Variants in KIFBP observed in about 807,000 individuals in gnomAD.
The protein encoded by KIFBP is KIF-binding protein.
Under a neutral mutation model 58.9 loss-of-function variants are expected in KIFBP, and 46 were observed. The ratio of observed to expected loss-of-function variants is 0.78; its 90% CI spans 0.62 to 1.00. KIFBP has a LOEUF of 1.00. KIFBP is among the 50% of genes least tolerant of loss of function. KIFBP has a pLI of 0.00. For synonymous variants in KIFBP, 241 were observed against 283.4 expected (o/e 0.85, Z 1.50); for missense variants, 651 against 752.9 (o/e 0.86, Z 1.58).
At chr10:69,013,900 C>A (rs1020210924) in intron 6 of KIFBP, among the ~76,000 whole-genome samples, 7 of 152,102 alleles carry the variant, frequency 4.6e-5, no homozygotes, top group Non-Finnish European at 7.3e-5. Context: ...CAGGTGTGTG[C>A]CACTGTGCCC....
intron 2 of KIFBP, among the ~76,000 whole-genome samples, chr10:69,002,547 T>C (rs1189919199): frequency 6.6e-6 from 1 of 152,118 alleles, no homozygotes; most frequent in Non-Finnish European, 1.5e-5. Context: ...TACCCTTTCT[T>C]GCTTTTAGGC....
chr10:68,989,311 G>T, intron 1 of KIFBP, 53 bp downstream of exon 1: 2 of 1,592,912 alleles, frequency 1.3e-6, no homozygotes, highest in South Asian at 1.1e-5. Context: ...CGAGGGATGG[G>T]GAGGAGCCCC....
At chr10:69,009,320 C>T (rs1843568113) in intron 5 of KIFBP, among the ~76,000 whole-genome samples, 1 of 151,874 alleles carries the variant, frequency 6.6e-6, no homozygotes, top group African/African-American at 2.4e-5. Context: ...TAGTGAGACC[C>T]CATCTCTATG....
In KIFBP at chr10:69,015,923, C is replaced by A; in HGVS notation, c.1373C>A (p.Thr458Asn). 1 of 1,614,194 alleles carries A rather than the reference C, an allele frequency of 6.2e-7. No individual in the cohort carries two copies. The highest frequency in any genetic ancestry group is 8.5e-7 in the Non-Finnish European group (1 of 1,180,034). The change falls in exon 7 of 7, where the codon ACT becomes AAT. Residue 458 changes from threonine (T) to asparagine (N), a missense_variant. Coordinates refer to ENST00000361983, the MANE Select transcript of KIFBP (RefSeq NM_015634.4). ...AGAATAGCCATGCTAGAGCCCCTAA[C>A]TGTAGACCTGAATCCACAGTATTAT... ...KRRIAMLEPLTVDLNPQYYLL... is the reference protein window; with the variant it reads ...KRRIAMLEPLNVDLNPQYYLL...
At chr10:68,996,953 G>A (rs1843413741) in intron 1 of KIFBP, among the ~76,000 whole-genome samples, 1 of 152,204 alleles carries the variant, frequency 6.6e-6, no homozygotes, top group South Asian at 2.1e-4. Context: ...AGGAGTTTGA[G>A]ACCAGCCTGG....
chr10:68,996,983 T>C (rs1843413958), intron 1 of KIFBP, among the ~76,000 whole-genome samples: 1 of 152,218 alleles, frequency 6.6e-6, no homozygotes, highest in African/African-American at 2.4e-5. Flanking sequence ...TGAGACTTTG[T>C]CTCTATTTGA....
intron 6 of KIFBP, among the ~76,000 whole-genome samples, chr10:69,012,144 T>TA: frequency 6.6e-6 from 1 of 152,176 alleles, no homozygotes; most frequent in Non-Finnish European, 1.5e-5. Flanking sequence ...GGACTTGAAA[T>TA]ACACTAGGTA....
intron 4 of KIFBP, 92 bp downstream of exon 4, chr10:69,006,007 C>A (rs1321668471): frequency 1.7e-6 from 2 of 1,208,092 alleles, no homozygotes; most frequent in East Asian, 5.1e-5. Flanking sequence ...CTTTTAAAAA[C>A]AGGTAGCTTG....
intron 1 of KIFBP, among the ~76,000 whole-genome samples, chr10:68,998,934 C>T (rs1422070315): frequency 6.6e-6 from 1 of 151,106 alleles, no homozygotes; most frequent in African/African-American, 2.4e-5. Context: ...TGCCACCACA[C>T]TCGGCTAAAT....
At chr10:69,013,630 A>T (rs1387452818) in intron 6 of KIFBP, among the ~76,000 whole-genome samples, 1 of 152,204 alleles carries the variant, frequency 6.6e-6, no homozygotes, top group Non-Finnish European at 1.5e-5. Flanking sequence ...AGCAAATCGC[A>T]CTATGATTTG....
chr10:69,006,421 A>G (rs915333485), intron 4 of KIFBP, among the ~76,000 whole-genome samples: 2 of 152,190 alleles, frequency 1.3e-5, no homozygotes, highest in African/African-American at 4.8e-5. Context: ...CTAGGTCTTT[A>G]TACCATACTT....
At chr10:69,010,607 T>C (rs932950405) in intron 5 of KIFBP, among the ~76,000 whole-genome samples, 1 of 152,194 alleles carries the variant, frequency 6.6e-6, no homozygotes, top group Admixed American at 6.6e-5. Flanking sequence ...GGTTAAATAA[T>C]AGAATATCTA....
chr10:69,006,254 C>T (rs534454808), intron 4 of KIFBP, among the ~76,000 whole-genome samples: 1 of 152,196 alleles, frequency 6.6e-6, no homozygotes, highest in Admixed American at 6.5e-5. Context: ...TTTATCTTTA[C>T]GTAATGGTAA....
chr10:69,008,391 A>AAAAAAAAAAAAAAAAATAT, intron 4 of KIFBP, among the ~76,000 whole-genome samples: 2 of 71,614 alleles, frequency 2.8e-5, no homozygotes, highest in African/African-American at 1.6e-4. Context: ...AAAAAAAAAA[A>AAAAAAAAAAAAAAAAATAT]ATATATATAT....
chr10:68,991,291 C>T, intron 1 of KIFBP: 1 of 191,258 alleles, frequency 5.2e-6, no homozygotes, highest in Non-Finnish European at 1.1e-5. Flanking sequence ...AGTCATCTTT[C>T]CAGACTTGCT....
In KIFBP at chr10:69,016,308, T is replaced by C; in HGVS notation, c.1758T>C (p.His586=). ...YKFIVDYCEK[H]PEAAQEIEVE... The stretch of plus-strand genomic sequence containing the variant: ...TTATTGTTGATTACTGTGAAAAGCA[T>C]CCTGAGGCCGCCCAGGAAATAGAAG... The change falls in exon 7 of 7, where the codon CAT becomes CAC. Residue 586 remains histidine (H), a synonymous_variant. Transcript: ENST00000361983. 1 of 1,608,452 alleles carries C rather than the reference T, an allele frequency of 6.2e-7. No homozygotes were observed. Among genetic ancestry groups the C allele is most frequent in the Non-Finnish European group, 8.5e-7 (1 of 1,177,740 alleles).
Position 68,993,409 on chromosome 10 carries a change from C to T in KIFBP, c.426+4151C>T, listed in dbSNP as rs1041426364. ...TAGTAATTTCTGTCTGTCTCTTTGC[C>T]CCTCACTAATTGTTCACCCATGAGA... On this transcript the variant is annotated intron_variant, in intron 1 of 6. Coordinates refer to ENST00000361983, the MANE Select transcript of KIFBP (RefSeq NM_015634.4). Among the ~76,000 whole-genome samples the T allele has an allele frequency of 7.9e-5, 12 of 152,114 alleles. No homozygotes were observed. The East Asian group carries it at 1.2e-3, about 15-fold the overall frequency.
At chr10:69,008,391 A>AAAAAAAAAAATATATAT in intron 4 of KIFBP, among the ~76,000 whole-genome samples, 32 of 71,576 alleles carry the variant, frequency 4.5e-4, no homozygotes, top group Non-Finnish European at 6.5e-4. Context: ...AAAAAAAAAA[A>AAAAAAAAAAATATATAT]ATATATATAT....
rs897870475 is a variant in KIFBP at position 68,988,981 on chromosome 10, T to G, written c.149T>G (p.Leu50Arg). Residue 50 changes from leucine (L) to arginine (R), a missense_variant, in exon 1 of 7, where the codon CTC (leucine) becomes CGC (arginine). Coordinates refer to ENST00000361983, the MANE Select transcript of KIFBP (RefSeq NM_015634.4). ...CTACTGGAAGAGGTCAAGGCGCTGC[T>G]CGGCCCTGCGCCTGAGGACGAGGAT... ...RALLEEVKAL[L>R]GPAPEDEDER... 2 of 1,614,068 alleles carry G rather than the reference T, an allele frequency of 1.2e-6. No homozygotes were observed. Among genetic ancestry groups the G allele is most frequent in the Non-Finnish European group, 1.7e-6 (2 of 1,180,026 alleles).
Sources: allele counts gnomAD v4.1 joint callset (sites outside exome capture counted in the v4.1 genomes callset), GRCh38; gene constraint gnomAD v4.1.1; transcripts MANE v1.5; gene names NCBI Gene and HGNC (gene_info 2026-07-23, HGNC 2026-07-21).